KCNG1: variants seen among roughly 807,000 people sequenced by gnomAD.
KCNG1 encodes voltage-gated potassium channel regulatory subunit KCNG1.
In KCNG1, 17 loss-of-function variants were observed where a neutral mutation model predicts 32.4. The ratio of observed to expected loss-of-function variants is 0.52; its 90% CI spans 0.36 to 0.79. The LOEUF is 0.79. Ranked by LOEUF, KCNG1 falls within the 30% of genes least tolerant of loss-of-function variation. The probability of loss-of-function intolerance (pLI) is 0.00; values close to 1 mark genes in which losing one functional copy is unlikely to be tolerated. For synonymous variants in KCNG1, 358 were observed against 339.9 expected (o/e 1.05, Z -0.59); for missense variants, 441 against 735.2 (o/e 0.60, Z 4.63).
chr20:51,020,506 A>G (rs1171212396), intron 1 of KCNG1, among the ~76,000 whole-genome samples: 1 of 152,210 alleles, frequency 6.6e-6, no homozygotes, highest in African/African-American at 2.4e-5. Context: ...AATCAAATAC[A>G]GTCTGCTGGA....
chr20:51,022,337 C>CAGTG (rs1406221410), intron 1 of KCNG1, among the ~76,000 whole-genome samples: 2 of 152,220 alleles, frequency 1.3e-5, no homozygotes, highest in African/African-American at 4.8e-5. Context: ...TGGGGGTGCC[C>CAGTG]AGTGAACTGT....
In KCNG1 at chr20:51,004,371, C is replaced by A. The variant is rs777199424; in HGVS notation, c.1210G>T (p.Asp404Tyr). Residue 404 changes from aspartate (D) to tyrosine (Y), a missense_variant, in exon 3 of 3, where the codon GAC (aspartate) becomes TAC (tyrosine). By Grantham distance (160) the Asp-to-Tyr change is radical. Coordinates refer to ENST00000371571, the MANE Select transcript of KCNG1 (RefSeq NM_002237.4). The surrounding 1 kb of genome is among the most constrained non-coding windows in gnomAD (Gnocchi z 4.3). ...GGGATGCTGGTGAACTCGGGGCTGT[C>A]GGCCATCTCGTTCTCGATGACGTAG... The part of the protein sequence containing the change: ...LLYVIENEMA[D>Y]SPEFTSIPAC... The A allele has an allele frequency of 6.2e-7, 1 of 1,613,762 alleles. No individual in the cohort carries two copies. Among genetic ancestry groups the A allele is most frequent in the Non-Finnish European group, 8.5e-7 (1 of 1,179,706 alleles).
intron 1 of KCNG1, among the ~76,000 whole-genome samples, chr20:51,017,899 T>G (rs139477067): frequency 3.4e-4 from 52 of 152,300 alleles, no homozygotes; most frequent in African/African-American, 1.2e-3. Flanking sequence ...AGAAAAATCT[T>G]CTGCGTTGGG....
At chr20:51,018,054 T>C (rs6020912) in intron 1 of KCNG1, among the ~76,000 whole-genome samples, 2,849 of 152,246 alleles carry the variant, frequency 0.019, 86 homozygotes, top group African/African-American at 0.064. Context: ...TAAATGATCA[T>C]TGAGATCATA....
intron 1 of KCNG1, among the ~76,000 whole-genome samples, chr20:51,016,948 T>C (rs920727028): frequency 6.6e-5 from 10 of 152,218 alleles, no homozygotes; most frequent in Non-Finnish European, 1.5e-5. Flanking sequence ...GAAATGAAGA[T>C]GCTGCTGCCC....
At chr20:51,007,472 C>A (rs1229176179) in intron 2 of KCNG1, among the ~76,000 whole-genome samples, 1 of 152,146 alleles carries the variant, frequency 6.6e-6, no homozygotes. Context: ...AGGCGTGAGC[C>A]ACCACACGTG....
chr20:51,018,027 G>A (rs942944027), intron 1 of KCNG1, among the ~76,000 whole-genome samples: 3 of 152,212 alleles, frequency 2.0e-5, no homozygotes, highest in Admixed American at 6.5e-5. Flanking sequence ...TGAGGGCTGA[G>A]AACATACTTC....
intron 1 of KCNG1, among the ~76,000 whole-genome samples, chr20:51,010,616 C>T (rs574318321): frequency 3.9e-5 from 6 of 152,244 alleles, no homozygotes; most frequent in South Asian, 2.1e-4. Flanking sequence ...GAAGACAGGC[C>T]GGGCGCGGTG....
intron 1 of KCNG1, among the ~76,000 whole-genome samples, chr20:51,020,754 T>C (rs1003343562): frequency 6.6e-6 from 1 of 152,130 alleles, no homozygotes; most frequent in Non-Finnish European, 1.5e-5. Context: ...CGAGCCAAGG[T>C]ACCTACTGCG....
At position 51,004,618 on chromosome 20, in the gene KCNG1, G is replaced by A. The variant is rs1281286853; in HGVS notation, c.963C>T (p.Ala321=). The A allele has an allele frequency of 6.3e-7, 1 of 1,588,076 alleles. No homozygotes were observed. The highest frequency in any genetic ancestry group is 1.3e-5 in the African/African-American group (1 of 74,574). ...PYYITLLVDG[A]AAGRRKPGAG... Reference sequence around the variant, plus strand: ...CGCCGGGCTTGCGACGGCCTGCGGCGGCGCCGTCCACCAGCAGCGTGATGT... The same window carrying A: ...CGCCGGGCTTGCGACGGCCTGCGGCAGCGCCGTCCACCAGCAGCGTGATGT... Residue 321 remains alanine (A), a synonymous_variant, in exon 3 of 3, where the codon GCC becomes GCT. Transcript: ENST00000371571. This position sits in a 1 kb window ranked among gnomAD's most constrained non-coding sequence, Gnocchi z 4.3.
At position 51,010,268 on chromosome 20, in the gene KCNG1, A is replaced by G. The variant is rs1318361829; in HGVS notation, c.71T>C (p.Phe24Ser). Residue 24 changes from phenylalanine (F) to serine (S), a missense_variant, in exon 2 of 3, where the codon TTC becomes TCC. This residue lies in a region of KCNG1 where 85 missense variants were observed against 98.2 expected (regional missense o/e 0.87). Coordinates refer to ENST00000371571, the MANE Select transcript of KCNG1 (RefSeq NM_002237.4). The part of the protein sequence containing the change: ...SALSCTSDAS[F>S]HPAFLPQRQA... The stretch of plus-strand genomic sequence containing the variant: ...GCGCTGCGGGAGGAAGGCCGGGTGG[A>G]AGGAGGCGTCCGAGGTGCAGCTCAG... 6.5e-7 allele frequency: 1 copy of G among 1,529,828 alleles called. No homozygotes were observed. The highest frequency in any genetic ancestry group is 1.3e-5 in the South Asian group (1 of 78,242). 94.8% of individuals were successfully genotyped at this position (1,529,828 alleles called of 1,614,324 possible).
At chr20:51,021,118 C>T (rs754948953) in intron 1 of KCNG1, among the ~76,000 whole-genome samples, 4 of 152,218 alleles carry the variant, frequency 2.6e-5, no homozygotes, top group Non-Finnish European at 5.9e-5. Context: ...GGCCTGGGCT[C>T]TCAAGTCTCA....
At chr20:51,014,839 G>C (rs1337940749) in intron 1 of KCNG1, among the ~76,000 whole-genome samples, 1 of 152,192 alleles carries the variant, frequency 6.6e-6, no homozygotes, top group Non-Finnish European at 1.5e-5. Context: ...TGGAGGAGGG[G>C]ACATGGGGTT....
chr20:51,019,144 C>G (rs1162576983), intron 1 of KCNG1, among the ~76,000 whole-genome samples: 1 of 152,192 alleles, frequency 6.6e-6, no homozygotes, highest in Non-Finnish European at 1.5e-5. Context: ...GTGGAGTCGT[C>G]TCCAGAAGCC....
At position 51,003,931 on chromosome 20, in the gene KCNG1, T is replaced by A. The variant is rs1987712661; in HGVS notation, c.*108A>T. ...TCCCCGGGTGCGTGGGAGTCGGTGC[T>A]GCGCCAGGACTGCACTCGGAAGCGG... is the stretch of plus-strand genomic sequence containing the variant. On this transcript the variant is annotated 3_prime_UTR_variant, in exon 3 of 3. Transcript: ENST00000371571. 2.3e-6 allele frequency: 3 copies of A among 1,281,214 alleles called. No homozygotes were observed. Among genetic ancestry groups the A allele is most frequent in the Admixed American group, 2.1e-5 (1 of 47,932 alleles). The allele number at this position is 1,281,214 out of a possible 1,614,324, so 79.4% of individuals were successfully genotyped here. A position where few individuals can be genotyped will look rare whatever the true frequency, so the allele number is the denominator to read the frequency against.
rs1278506933 is a variant in KCNG1 at position 51,015,107 on chromosome 20, C to G, written c.-26-4743G>C. 2.6e-5 allele frequency among the ~76,000 whole-genome samples: 4 copies of G among 152,052 alleles called. No individual in the cohort carries two copies. The highest frequency in any genetic ancestry group is 9.7e-5 in the African/African-American group (4 of 41,398). On this transcript the variant is annotated intron_variant, in intron 1 of 2. Transcript: ENST00000371571. This position sits in a 1 kb window ranked among gnomAD's most constrained non-coding sequence, Gnocchi z 4.4. ...GCCAGGTCAGTGGACAACGAGTGGG[C>G]TGGGGAGCCCAGGCTGGAGGCTATG...
intron 1 of KCNG1, among the ~76,000 whole-genome samples, chr20:51,020,124 C>A (rs781115325): frequency 7.2e-5 from 11 of 152,206 alleles, no homozygotes; most frequent in South Asian, 2.1e-4. Flanking sequence ...GTCCCTCCCC[C>A]CTATAAAAAA....
chr20:51,019,290 C>T (rs573869616), intron 1 of KCNG1, among the ~76,000 whole-genome samples: 1 of 152,296 alleles, frequency 6.6e-6, no homozygotes, highest in South Asian at 2.1e-4. Flanking sequence ...GGTGAGAGAA[C>T]TGCTTGAGTT....
intron 1 of KCNG1, among the ~76,000 whole-genome samples, chr20:51,016,547 G>T (rs1033929127): frequency 2.6e-5 from 4 of 152,172 alleles, no homozygotes; most frequent in Admixed American, 6.5e-5. Flanking sequence ...GGGCGCACAG[G>T]CTTTAAAATC....
Sources: gnomAD v4.1 joint callset for allele counts (sites outside exome capture counted in the v4.1 genomes callset) on GRCh38, gnomAD v4.1.1 for gene constraint, gnomAD v4.1.1 regional missense constraint, Gnocchi (gnomAD v3.1) non-coding constraint, MANE v1.5 for transcripts, NCBI Gene and HGNC (gene_info 2026-07-23, HGNC 2026-07-21) for gene names.